Variants in ANTXR1 observed in about 807,000 individuals in gnomAD.
ANTXR1 encodes the protein anthrax toxin receptor 1.
A neutral mutation model predicts 78.1 loss-of-function variants in ANTXR1; 19 were observed. The ratio of observed to expected loss-of-function variants is 0.24; its 90% CI spans 0.17 to 0.36. ANTXR1 has a LOEUF of 0.36. Ranked by LOEUF, ANTXR1 falls within the 10% of genes least tolerant of loss-of-function variation. ANTXR1 has a pLI of 1.00. For synonymous variants in ANTXR1, 273 were observed against 260.5 expected (o/e 1.05, Z -0.46); for missense variants, 518 against 718.6 (o/e 0.72, Z 3.19).
At chr2:69,047,749 T>C (rs1348649920) in intron 3 of ANTXR1, among the ~76,000 whole-genome samples, 1 of 152,178 alleles carries the variant, frequency 6.6e-6, no homozygotes, top group Non-Finnish European at 1.5e-5. Context: ...GGTTGCTTTT[T>C]CTGTTGTAAT....
Position 69,170,706 on chromosome 2 carries a change from G to A in ANTXR1, c.1089+417G>A, listed in dbSNP as rs1395340362. Among the ~76,000 whole-genome samples, 9 of 152,074 alleles carry A rather than the reference G, an allele frequency of 5.9e-5. No individual in the cohort carries two copies. In the East Asian group the frequency reaches 1.5e-3, roughly 26 times the overall value. On this transcript the variant is annotated intron_variant, in intron 14 of 17. Transcript: ENST00000303714. ...CTACATTCTCCAATCATTGGTTCTA[G>A]GAATAACCTGATGCCCAATTCTTCA...
At chr2:69,156,895 G>A (rs1039617377) in intron 13 of ANTXR1, among the ~76,000 whole-genome samples, 1 of 152,170 alleles carries the variant, frequency 6.6e-6, no homozygotes, top group African/African-American at 2.4e-5. Flanking sequence ...ACAACTCGAC[G>A]TGAGATTTGC....
At chr2:69,079,646 A>G (rs187527789) in intron 8 of ANTXR1, among the ~76,000 whole-genome samples, 9 of 152,294 alleles carry the variant, frequency 5.9e-5, no homozygotes, top group African/African-American at 1.7e-4. Flanking sequence ...CCTCTAACCT[A>G]TAGGCAGTGG....
intron 1 of ANTXR1, among the ~76,000 whole-genome samples, chr2:69,036,904 A>G (rs1249039622): frequency 6.6e-6 from 1 of 152,198 alleles, no homozygotes; most frequent in Non-Finnish European, 1.5e-5. Context: ...GGACCAGTCT[A>G]TGTGACCTGA....
chr2:69,016,107 C>T (rs1236199093), intron 1 of ANTXR1, among the ~76,000 whole-genome samples: 4 of 152,202 alleles, frequency 2.6e-5, no homozygotes, highest in East Asian at 1.9e-4. Flanking sequence ...TCTTTCTAGA[C>T]TTGCGCTGTC....
At chr2:69,119,119 C>A (rs143774555) in intron 10 of ANTXR1, among the ~76,000 whole-genome samples, 2 of 152,240 alleles carry the variant, frequency 1.3e-5, no homozygotes, top group East Asian at 1.9e-4. Flanking sequence ...GTCTGCCTGG[C>A]CTGGGCCACA....
At chr2:69,085,261 A>T (rs752133728) in intron 8 of ANTXR1, among the ~76,000 whole-genome samples, 60 of 152,034 alleles carry the variant, frequency 3.9e-4, no homozygotes, top group Non-Finnish European at 7.9e-4. Context: ...ACAGTTCTCT[A>T]TGTTTTTCCC....
intron 13 of ANTXR1, among the ~76,000 whole-genome samples, chr2:69,164,772 T>C (rs1673781772): frequency 6.6e-6 from 1 of 152,194 alleles, no homozygotes; most frequent in Non-Finnish European, 1.5e-5. Context: ...GCTGAAAATT[T>C]ACTCCAGAAA....
intron 2 of ANTXR1, 54 bp downstream of exon 2, chr2:69,040,169 T>C: frequency 6.7e-7 from 1 of 1,485,132 alleles, no homozygotes; most frequent in South Asian, 1.1e-5. Flanking sequence ...TGAGTCAAAC[T>C]AGTCCATGTT....
rs1445103575 is a variant in ANTXR1 at position 69,236,597 on chromosome 2, T to C, written c.1435-8628T>C. Among the ~76,000 whole-genome samples the C allele has an allele frequency of 5.3e-5, 8 of 152,206 alleles. No individual in the cohort carries two copies. In the East Asian group the frequency reaches 1.5e-3, roughly 29 times the overall value. ...TTTGACAATATATTATCAAAAACTG[T>C]TAAAATGTGCATAAACTTTGACCCA... On this transcript the variant is annotated intron_variant, in intron 17 of 17. Coordinates refer to ENST00000303714, the MANE Select transcript of ANTXR1 (RefSeq NM_032208.3).
chr2:69,192,992 A>C (rs1350815624), intron 16 of ANTXR1, among the ~76,000 whole-genome samples: 1 of 152,188 alleles, frequency 6.6e-6, no homozygotes, highest in African/African-American at 2.4e-5. Flanking sequence ...CTTTAGTGAA[A>C]TTTGGAAAGA....
intron 8 of ANTXR1, among the ~76,000 whole-genome samples, chr2:69,079,186 CA>C (rs1474729161): frequency 6.6e-6 from 1 of 152,162 alleles, no homozygotes; most frequent in Non-Finnish European, 1.5e-5. Context: ...TTATCAGACC[CA>C]GTTGTCAGTC....
At chr2:69,110,585 G>A (rs1447326160) in intron 10 of ANTXR1, among the ~76,000 whole-genome samples, 9 of 152,188 alleles carry the variant, frequency 5.9e-5, no homozygotes, top group East Asian at 1.9e-4. Flanking sequence ...CAGGCCGGGC[G>A]CGGTGGCTCA....
chr2:69,122,090 A>G (rs1047453782), intron 10 of ANTXR1, among the ~76,000 whole-genome samples: 2 of 152,208 alleles, frequency 1.3e-5, no homozygotes, highest in Non-Finnish European at 2.9e-5. Context: ...ACTTTGTGCA[A>G]ATCCCTCAGG....
intron 3 of ANTXR1, among the ~76,000 whole-genome samples, chr2:69,064,873 G>A (rs757440778): frequency 1.5e-4 from 23 of 152,162 alleles, no homozygotes; most frequent in Non-Finnish European, 2.9e-4. Flanking sequence ...GTGGGATGCA[G>A]CTAAAGTCAC....
rs918059199 is a variant in ANTXR1 at position 69,246,191 on chromosome 2, T to C, written c.*706T>C. On this transcript the variant is annotated 3_prime_UTR_variant, in exon 18 of 18. Coordinates refer to ENST00000303714, the MANE Select transcript of ANTXR1 (RefSeq NM_032208.3). ...TGTAAGTGAAATCAGTTGTGTGCAA[T>C]AGACAGGGGCGTATTCATGGGAGCA... 6.6e-6 allele frequency: 1 copy of C among 152,352 alleles called. No individual in the cohort carries two copies. The highest frequency in any genetic ancestry group is 1.5e-5 in the Non-Finnish European group (1 of 68,056). 9.4% of individuals were successfully genotyped at this position (152,352 alleles called of 1,614,324 possible). A position where few individuals can be genotyped will look rare whatever the true frequency, so the allele number is the denominator to read the frequency against.
chr2:69,241,782 G>A (rs944106540), intron 17 of ANTXR1, among the ~76,000 whole-genome samples: 6 of 152,134 alleles, frequency 3.9e-5, no homozygotes, highest in Admixed American at 6.5e-5. Flanking sequence ...CACAGACAGG[G>A]TCTGATTGTG....
intron 6 of ANTXR1, among the ~76,000 whole-genome samples, chr2:69,074,319 A>G (rs771011314): frequency 6.6e-6 from 1 of 152,242 alleles, no homozygotes; most frequent in Non-Finnish European, 1.5e-5. Context: ...GGAATGCAAG[A>G]TGGCTTGATT....
intron 17 of ANTXR1, among the ~76,000 whole-genome samples, chr2:69,216,416 C>A (rs150895437): frequency 1.3e-5 from 2 of 152,154 alleles, no homozygotes; most frequent in Non-Finnish European, 2.9e-5. Flanking sequence ...TACACACATG[C>A]ATATACATAC....
Sources: gnomAD v4.1 joint callset for allele counts (sites outside exome capture counted in the v4.1 genomes callset) on GRCh38, gnomAD v4.1.1 for gene constraint, MANE v1.5 for transcripts, NCBI Gene and HGNC (gene_info 2026-07-23, HGNC 2026-07-21) for gene names.